Variants in ZNF844 observed in about 807,000 individuals in gnomAD.
The protein encoded by ZNF844 is zinc finger protein 844.
ZNF844 carries 11 observed loss-of-function variants against 11.4 expected under a neutral mutation model. The observed-to-expected ratio is 0.97, with a 90% CI of 0.61 to 1.60. ZNF844 has a LOEUF of 1.60. Among genes scored for constraint, ZNF844 ranks in the 40% most tolerant of loss-of-function variants. ZNF844 has a pLI of 0.00. For missense variants in ZNF844, 790 were observed against 796.8 expected, an observed-to-expected ratio of 0.99 and a Z score of 0.10; for synonymous variants, 248 against 260.3, an observed-to-expected ratio of 0.95 and a Z score of 0.46.
rs1475565999 is a variant in ZNF844 at position 12,077,693 on chromosome 19, G to A, written c.*572G>A. ...TCTCACAACTTCTGGTGCATGAAAG[G>A]ACTCACACTGTAGAGCAACCCTATG... On this transcript the variant is annotated 3_prime_UTR_variant, in exon 4 of 4. Coordinates refer to ENST00000439326, the MANE Select transcript of ZNF844 (RefSeq NM_001136501.3). 2 of 487,036 alleles carry A rather than the reference G, an allele frequency of 4.1e-6. No individual in the cohort carries two copies. Among genetic ancestry groups the A allele is most frequent in the Non-Finnish European group, 8.1e-6 (2 of 245,860 alleles). The allele number at this position is 487,036 out of a possible 1,614,324, so 30.2% of individuals were successfully genotyped here.
chr19:12,074,010 T>C, intron 1 of ZNF844, 21 bp from the exon 2 acceptor site: 2 of 1,608,852 alleles, frequency 1.2e-6, no homozygotes, highest in Middle Eastern at 1.7e-4. Flanking sequence ...CATCCTCCTC[T>C]ATACATGTGG....
chr19:12,073,599 A>C (rs1975775393), intron 1 of ZNF844, among the ~76,000 whole-genome samples: 1 of 151,880 alleles, frequency 6.6e-6, no homozygotes, highest in Non-Finnish European at 1.5e-5. Context: ...CAATCAGAAT[A>C]AAATCCCCCT....
rs1975806278 is a variant in ZNF844, at chr19:12,075,884, GTA to G, written c.765_766del (p.Cys255Ter). The G allele has an allele frequency of 6.2e-7, 1 of 1,609,988 alleles. No individual in the cohort carries two copies. The highest frequency in any genetic ancestry group is 8.5e-7 in the Non-Finnish European group (1 of 1,177,684). ...CACACTGGAGAGAAGCCTTATGAAT[GTA>G]AGGAATGTGGGAAAGCATTCGGTAG... On this transcript the variant is annotated stop_gained and frameshift_variant, in exon 4 of 4. Coordinates refer to ENST00000439326, the MANE Select transcript of ZNF844 (RefSeq NM_001136501.3). LOFTEE classifies it low-confidence loss of function (END_TRUNC).
chr19:12,075,823 A>G lies in ZNF844; in HGVS notation c.703A>G (p.Ser235Gly), dbSNP rs1485925898. The G allele has an allele frequency of 1.2e-6, 2 of 1,610,848 alleles. No individual in the cohort carries two copies. The highest frequency in any genetic ancestry group is 1.7e-6 in the Non-Finnish European group (2 of 1,178,576). Residue 235 changes from serine (S) to glycine (G), a missense_variant, in exon 4 of 4, where the codon AGT becomes GGT. Physicochemically the swap from Ser to Gly is moderately conservative, Grantham distance 56 (BLOSUM62 0). Coordinates refer to ENST00000439326, the MANE Select transcript of ZNF844 (RefSeq NM_001136501.3). ...ATGTAAACAATGTGGTAAAGCCTTT[A>G]GTTATTCAACTTCCCTTCAAATACA... ...YKCKQCGKAFSYSTSLQIHER... is the reference protein window; with the variant it reads ...YKCKQCGKAFGYSTSLQIHER...
intron 1 of ZNF844, among the ~76,000 whole-genome samples, chr19:12,069,918 T>C (rs930720119): frequency 3.6e-5 from 5 of 138,728 alleles, no homozygotes; most frequent in African/African-American, 1.4e-4. Context: ...TTGCGCCAAC[T>C]GCACTGTAGC....
At chr19:12,070,130 TA>T (rs2145543850) in intron 1 of ZNF844, 1 of 100,470 alleles carries the variant, frequency 1.0e-5, no homozygotes. Context: ...AAAATAAAAA[TA>T]AGCGTAAAAA....
At position 12,078,678 on chromosome 19, in the gene ZNF844, C is replaced by T. The variant is rs1375605803; in HGVS notation, c.*1557C>T. 6.6e-6 allele frequency: 1 copy of T among 152,156 alleles called. No individual in the cohort carries two copies. Among genetic ancestry groups the T allele is most frequent in the Non-Finnish European group, 1.5e-5 (1 of 68,008 alleles). The allele number at this position is 152,156 out of a possible 1,614,324, so 9.4% of individuals were successfully genotyped here. A position where few individuals can be genotyped will look rare whatever the true frequency, so the allele number is the denominator to read the frequency against. On this transcript the variant is annotated 3_prime_UTR_variant, in exon 4 of 4. Transcript: ENST00000439326. ...AGTTATCTCATGTTCTTCAGAGTGA[C>T]TTTGTGCCATATCCCACAGTGGCAT... is the stretch of plus-strand genomic sequence containing the variant.
intron 1 of ZNF844, among the ~76,000 whole-genome samples, chr19:12,067,938 A>AAGAGAGAGAGAGAGAGAG (rs2145541929): frequency 7.5e-6 from 1 of 132,524 alleles, no homozygotes; most frequent in Admixed American, 7.5e-5. Context: ...GAAAGAAAGA[A>AAGAGAGAGAGAGAGAGAG]AGAAAGAAGG....
At chr19:12,064,961 C>CG in intron 1 of ZNF844, 85 bp downstream of exon 1, 1 of 1,468,500 alleles carries the variant, frequency 6.8e-7, no homozygotes, top group Non-Finnish European at 9.2e-7. Flanking sequence ...CCGGCTGTGC[C>CG]GGGACCCGGA....
chr19:12,069,140 T>C (rs1459186378), intron 1 of ZNF844, among the ~76,000 whole-genome samples: 1 of 152,022 alleles, frequency 6.6e-6, no homozygotes, highest in Non-Finnish European at 1.5e-5. Context: ...CAGATGTGGA[T>C]TTAGGTAAGG....
rs969774135 is a variant in ZNF844, at chr19:12,080,565, C to T, written c.*3444C>T. On this transcript the variant is annotated 3_prime_UTR_variant, in exon 4 of 4. Transcript: ENST00000439326. ...AGCCCATTTTTTCCTGAATCTTTGG[C>T]TTGCCAATCAAGAATGTCCTCAAAA... 5 of 173,486 alleles carry T rather than the reference C, an allele frequency of 2.9e-5. No homozygotes were observed. The South Asian group carries it at 5.4e-4, about 19-fold the overall frequency. The allele number at this position is 173,486 out of a possible 1,614,324, so 10.7% of individuals were successfully genotyped here.
intron 1 of ZNF844, among the ~76,000 whole-genome samples, chr19:12,073,463 C>G (rs1599400048): frequency 1.3e-5 from 2 of 152,212 alleles, no homozygotes; most frequent in African/African-American, 4.8e-5. Flanking sequence ...GCCCACAGTA[C>G]TGTTTTTCAC....
chr19:12,075,357 T>C lies in ZNF844; in HGVS notation c.237T>C (p.His79=), dbSNP rs751074026. The C allele has an allele frequency of 2.7e-5, 41 of 1,520,682 alleles. No individual in the cohort carries two copies. The South Asian group carries it at 4.8e-4, about 18-fold the overall frequency. 94.2% of individuals were successfully genotyped at this position (1,520,682 alleles called of 1,614,324 possible). ...TTGATGAAAATACAGAAGAAAATCA[T>C]TGTGGAGAAACTTCTAGCCAGATTC... ...ERVDENTEEN[H]CGETSSQIPD... Residue 79 remains histidine (H), a synonymous_variant, in exon 4 of 4, where the codon CAT becomes CAC. Coordinates refer to ENST00000439326, the MANE Select transcript of ZNF844 (RefSeq NM_001136501.3).
At position 12,075,964 on chromosome 19, in the gene ZNF844, GA is replaced by G; in HGVS notation, c.846del (p.Glu282AspfsTer48). The stretch of plus-strand genomic sequence containing the variant: ...AACTCACACTGGAGAGAAGCCATAT[GA>G]ATGCAAACAATGTGGAAAAGCCTTC... ...RRTHTGEKPYECKQCGKAFRW... is the reference protein window; with the variant it reads ...RRTHTGEKPYXCKQCGKAFRW... On this transcript the variant is annotated frameshift_variant, in exon 4 of 4. Transcript: ENST00000439326. LOFTEE classifies it low-confidence loss of function (END_TRUNC). The G allele has an allele frequency of 6.3e-7, 1 of 1,595,180 alleles. No homozygotes were observed. The highest frequency in any genetic ancestry group is 2.3e-5 in the East Asian group (1 of 43,896).
At chr19:12,066,374 A>G (rs992163753) in intron 1 of ZNF844, among the ~76,000 whole-genome samples, 9 of 151,770 alleles carry the variant, frequency 5.9e-5, no homozygotes, top group African/African-American at 2.2e-4. Flanking sequence ...TTATCTGCAG[A>G]AGTATCTTGG....
chr19:12,076,196 C>A lies in ZNF844; in HGVS notation c.1076C>A (p.Thr359Asn). The A allele has an allele frequency of 1.3e-6, 2 of 1,590,452 alleles. No homozygotes were observed. Among genetic ancestry groups the A allele is most frequent in the Non-Finnish European group, 1.7e-6 (2 of 1,167,874 alleles). The stretch of plus-strand genomic sequence containing the variant: ...TTTCAAAGACACATGAAAATGCACA[C>A]TAGAATGAGACCTTATAAATGTAAG... ...LNFQRHMKMH[T>N]RMRPYKCKTV... The change falls in exon 4 of 4, where the codon ACT becomes AAT. Residue 359 changes from threonine (T) to asparagine (N), a missense_variant. This residue lies in a region of ZNF844 where 657 missense variants were observed against 636.2 expected (regional missense o/e 1.03). Transcript: ENST00000439326.
chr19:12,076,583 C>A lies in ZNF844; in HGVS notation c.1463C>A (p.Pro488Gln), dbSNP rs1975824049. The part of the protein sequence containing the change: ...VSSVVKPSFF[P>Q]LPFDIMKGLT... ...AGTGTGGTAAAGCCTTCATTTTTTC[C>A]ACTTCCTTTCGATATCATGAAAGGA... The change falls in exon 4 of 4, where the codon CCA becomes CAA. Residue 488 changes from proline to glutamine, a missense_variant. Physicochemically the swap from Pro to Gln is moderately conservative, Grantham distance 76 (BLOSUM62 -1). Coordinates refer to ENST00000439326, the MANE Select transcript of ZNF844 (RefSeq NM_001136501.3). The A allele has an allele frequency of 2.5e-6, 4 of 1,611,536 alleles. No individual in the cohort carries two copies. The highest frequency in any genetic ancestry group is 2.5e-6 in the Non-Finnish European group (3 of 1,179,084).
rs567966982 is a variant in ZNF844 at position 12,067,755 on chromosome 19, A to C, written c.3+2879A>C. The stretch of plus-strand genomic sequence containing the variant: ...CACAGTGGAACTCCGTCTCTACTAA[A>C]AATACAAAAAATTAGCCGGGCGTGG... On this transcript the variant is annotated intron_variant, in intron 1 of 3. Transcript: ENST00000439326. 7.5e-4 allele frequency among the ~76,000 whole-genome samples: 114 copies of C among 151,450 alleles called. 1 individual carries two copies. Among genetic ancestry groups the C allele is most frequent in the African/African-American group, 2.7e-3 (110 of 41,220 alleles).
chr19:12,078,288 G>C lies in ZNF844; in HGVS notation c.*1167G>C, dbSNP rs1393630684. 1 of 152,028 alleles carries C rather than the reference G, an allele frequency of 6.6e-6. No individual in the cohort carries two copies. The highest frequency in any genetic ancestry group is 1.5e-5 in the Non-Finnish European group (1 of 68,068). 9.4% of individuals were successfully genotyped at this position (152,028 alleles called of 1,614,324 possible). A position where few individuals can be genotyped will look rare whatever the true frequency, so the allele number is the denominator to read the frequency against. On this transcript the variant is annotated 3_prime_UTR_variant, in exon 4 of 4. Transcript: ENST00000439326. The stretch of plus-strand genomic sequence containing the variant: ...ATTACAGGTGTGCACCACCACACTT[G>C]GCTAATTTTTATATTTTTAGTAGAG...
Sources: gnomAD v4.1 joint callset for allele counts (sites outside exome capture counted in the v4.1 genomes callset) on GRCh38, gnomAD v4.1.1 for gene constraint, gnomAD v4.1.1 regional missense constraint, MANE v1.5 for transcripts, NCBI Gene and HGNC (gene_info 2026-07-23, HGNC 2026-07-21) for gene names.